The following CRKL variants were observed in gnomAD, a reference collection of about 807,000 sequenced individuals.
CRKL encodes the protein CRK like proto-oncogene, adaptor protein, also known as crk-like protein.
A neutral mutation model predicts 23.0 loss-of-function variants in CRKL; 3 were observed. The ratio of observed to expected loss-of-function variants is 0.13; its 90% confidence interval spans 0.06 to 0.34. The LOEUF is 0.34. Ranked by LOEUF, CRKL falls within the 10% of genes least tolerant of loss-of-function variation. The pLI, the probability that CRKL is intolerant of heterozygous loss-of-function variation, is 1.00. For missense variants in CRKL, 256 were observed against 394.5 expected, an observed-to-expected ratio of 0.65 and a Z score of 2.97; for synonymous variants, 188 against 160.7, an observed-to-expected ratio of 1.17 and a Z score of -1.28.
At chr22:20,942,265 C>G (rs1371474151) in intron 2 of CRKL, among the ~76,000 whole-genome samples, 2 of 152,128 alleles carry the variant, frequency 1.3e-5, no homozygotes, top group Admixed American at 6.5e-5. Context: ...CATTTCTTGT[C>G]CCAGCATGGG....
intron 2 of CRKL, among the ~76,000 whole-genome samples, chr22:20,941,588 A>ATATATTTTTTTTTTTT (rs1247116681): frequency 3.0e-5 from 1 of 33,540 alleles, no homozygotes. Context: ...GTATATATAT[A>ATATATTTTTTTTTTTT]TTTTTTTTTT....
rs1922312739 is a variant in CRKL, at chr22:20,952,441, TCTGC to T, written c.*2597_*2600del. 1 of 231,190 alleles carries T rather than the reference TCTGC, an allele frequency of 4.3e-6. No individual in the cohort carries two copies. The highest frequency in any genetic ancestry group is 8.6e-6 in the Non-Finnish European group (1 of 116,646). 14.3% of individuals were successfully genotyped at this position (231,190 alleles called of 1,614,324 possible). ...AGCTCAAAACAAGGCGAGCTTGAGT[TCTGC>T]ACTCCAGATATGTGCCAAAACTAGT... On this transcript the variant is annotated 3_prime_UTR_variant, in exon 3 of 3. Transcript: ENST00000354336.
intron 1 of CRKL, among the ~76,000 whole-genome samples, chr22:20,921,379 G>T (rs1203498536): frequency 6.6e-6 from 1 of 152,146 alleles, no homozygotes; most frequent in African/African-American, 2.4e-5. Flanking sequence ...GTTTATAAGA[G>T]AATTATAACC....
At chr22:20,944,946 C>T (rs895915539) in intron 2 of CRKL, among the ~76,000 whole-genome samples, 2 of 151,388 alleles carry the variant, frequency 1.3e-5, no homozygotes, top group Non-Finnish European at 2.9e-5. Context: ...TGGCGCCTCC[C>T]AAAGTGCTAG....
chr22:20,928,189 G>A (rs1336515984), intron 1 of CRKL, among the ~76,000 whole-genome samples: 1 of 151,790 alleles, frequency 6.6e-6, no homozygotes, highest in African/African-American at 2.4e-5. Flanking sequence ...GGGTGTGGTG[G>A]CATGCACCTG....
intron 2 of CRKL, among the ~76,000 whole-genome samples, chr22:20,943,673 G>T (rs539516381): frequency 2.6e-5 from 4 of 152,118 alleles, no homozygotes; most frequent in African/African-American, 7.2e-5. Flanking sequence ...TTTCCCTGTT[G>T]AATAGACTTG....
At chr22:20,928,121 C>T (rs779773907) in intron 1 of CRKL, among the ~76,000 whole-genome samples, 15 of 152,070 alleles carry the variant, frequency 9.9e-5, no homozygotes, top group Non-Finnish European at 1.8e-4. Context: ...CACACCACTA[C>T]ACTCCAGCCT....
Position 20,927,192 on chromosome 22 carries a change from A to ATTTTTTTTTTTTTTTTTTTTTTTT in CRKL, c.312-6569_312-6568insTTTTTTTTTTTTTTTTTTTTTTTT, listed in dbSNP as rs532930393. Among the ~76,000 whole-genome samples, 46 of 81,968 alleles carry ATTTTTTTTTTTTTTTTTTTTTTTT rather than the reference A, an allele frequency of 5.6e-4. 8 individuals carry two copies. The highest frequency in any genetic ancestry group is 1.9e-3 in the African/African-American group (32 of 16,968). 53.8% of individuals were successfully genotyped at this position (81,968 alleles called of 152,430 possible). A position where few individuals can be genotyped will look rare whatever the true frequency, so the allele number is the denominator to read the frequency against. On this transcript the variant is annotated intron_variant, in intron 1 of 2. Coordinates refer to ENST00000354336, the MANE Select transcript of CRKL (RefSeq NM_005207.4). ...AGTACTTAGCTCATCTTGGAATTGA[A>ATTTTTTTTTTTTTTTTTTTTTTTT]TTTTTTTTTTTTTTTTTTGAGACAG...
rs1922221747 is a variant in CRKL at position 20,950,325 on chromosome 22, T to TG, written c.*482dup. 1 of 148,274 alleles carries TG rather than the reference T, an allele frequency of 6.7e-6. No homozygotes were observed. The highest frequency in any genetic ancestry group is 1.3e-5 in the Non-Finnish European group (1 of 77,984). 9.2% of individuals were successfully genotyped at this position (148,274 alleles called of 1,614,324 possible). On this transcript the variant is annotated 3_prime_UTR_variant, in exon 3 of 3. Coordinates refer to ENST00000354336, the MANE Select transcript of CRKL (RefSeq NM_005207.4). The stretch of plus-strand genomic sequence containing the variant: ...AATTCTGTTCTAAAACTCCAAAATC[T>TG]GGCTTTTTTTTTTCTTTTGTTTTGG...
At position 20,917,652 on chromosome 22, in the gene CRKL, G is replaced by A; in HGVS notation, c.-283G>A. 1 of 460,636 alleles carries A rather than the reference G, an allele frequency of 2.2e-6. No homozygotes were observed. Among genetic ancestry groups the A allele is most frequent in the Non-Finnish European group, 3.8e-6 (1 of 260,306 alleles). 28.5% of individuals were successfully genotyped at this position (460,636 alleles called of 1,614,324 possible). On this transcript the variant is annotated 5_prime_UTR_variant, in exon 1 of 3. Transcript: ENST00000354336. ...ACGCCGAGCAGCCCGAGAACCCCGG[G>A]GTGGCCTCCGCTGCGGCTCGGGTTT...
At chr22:20,945,229 C>T (rs1173818393) in intron 2 of CRKL, among the ~76,000 whole-genome samples, 1 of 150,802 alleles carries the variant, frequency 6.6e-6, no homozygotes, top group Non-Finnish European at 1.5e-5. Flanking sequence ...TCCTGACCTC[C>T]TGATCTGCCT....
intron 1 of CRKL, among the ~76,000 whole-genome samples, chr22:20,933,262 C>T (rs1261109721): frequency 6.6e-6 from 1 of 151,972 alleles, no homozygotes; most frequent in Non-Finnish European, 1.5e-5. Context: ...CCCAGCTACT[C>T]AGGAGGCTGA....
intron 1 of CRKL, among the ~76,000 whole-genome samples, chr22:20,924,290 C>G (rs745388654): frequency 1.1e-4 from 16 of 152,284 alleles, no homozygotes; most frequent in Non-Finnish European, 2.1e-4. Flanking sequence ...GGTGCTTAGT[C>G]TAACCTGAGA....
chr22:20,940,615 G>A (rs1012092967), intron 2 of CRKL, among the ~76,000 whole-genome samples: 5 of 144,206 alleles, frequency 3.5e-5, no homozygotes, highest in Admixed American at 1.4e-4. Context: ...GATACTCAGC[G>A]TTCTTTGAGG....
intron 1 of CRKL, among the ~76,000 whole-genome samples, chr22:20,927,229 C>T (rs1205081307): frequency 4.6e-5 from 4 of 86,566 alleles, no homozygotes; most frequent in African/African-American, 2.0e-4. Flanking sequence ...GTCGCTCTGT[C>T]GCCCAGGCTG....
In CRKL at chr22:20,949,755, G is replaced by A. The variant is rs781001009; in HGVS notation, c.822G>A (p.Gln274=). ...VKVTRMNING[Q]WEGEVNGRKG... is the part of the protein sequence containing the mutation. ...TCACAAGGATGAATATAAATGGCCA[G>A]TGGGAAGGCGAAGTGAACGGGCGCA... is the stretch of plus-strand genomic sequence containing the variant. Residue 274 remains glutamine, a synonymous_variant, in exon 3 of 3, where the codon CAG becomes CAA. Coordinates refer to ENST00000354336, the MANE Select transcript of CRKL (RefSeq NM_005207.4). The A allele has an allele frequency of 1.1e-5, 17 of 1,613,654 alleles. No homozygotes were observed. Among genetic ancestry groups the A allele is most frequent in the African/African-American group, 4.0e-5 (3 of 75,024 alleles).
chr22:20,930,234 TGGG>T (rs889773680), intron 1 of CRKL, among the ~76,000 whole-genome samples: 8 of 152,126 alleles, frequency 5.3e-5, no homozygotes, highest in African/African-American at 1.4e-4. Context: ...GGAATTTAGA[TGGG>T]GGATCAGCAA....
At chr22:20,946,831 G>A (rs1922075742) in intron 2 of CRKL, among the ~76,000 whole-genome samples, 2 of 152,156 alleles carry the variant, frequency 1.3e-5, no homozygotes, top group African/African-American at 4.8e-5. Flanking sequence ...AGGGAGTGAT[G>A]AGGGAAACGG....
At chr22:20,929,820 A>G (rs1921374935) in intron 1 of CRKL, among the ~76,000 whole-genome samples, 2 of 152,184 alleles carry the variant, frequency 1.3e-5, no homozygotes, top group Admixed American at 6.5e-5. Flanking sequence ...TTGCTCAAAG[A>G]ACAAATAATT....
Sources: allele counts gnomAD v4.1 joint callset (sites outside exome capture counted in the v4.1 genomes callset), GRCh38; gene constraint gnomAD v4.1.1; transcripts MANE v1.5; gene names NCBI Gene and HGNC (gene_info 2026-07-23, HGNC 2026-07-21).